MELK: variants seen among roughly 807,000 people sequenced by gnomAD.
MELK encodes maternal embryonic leucine zipper kinase.
A neutral mutation model predicts 85.0 loss-of-function variants in MELK; 81 were observed. The observed-to-expected ratio is 0.95, with a 90% confidence interval of 0.80 to 1.15. The LOEUF is 1.15. Among genes scored for constraint, MELK ranks in the 50% most tolerant of loss-of-function variants. The probability of loss-of-function intolerance (pLI) is 0.00; values close to 1 mark genes in which losing one functional copy is unlikely to be tolerated. For missense variants in MELK, 754 were observed against 777.5 expected, an observed-to-expected ratio of 0.97 and a Z score of 0.36; for synonymous variants, 252 against 265.0, an observed-to-expected ratio of 0.95 and a Z score of 0.48.
At chr9:36,674,241 C>A (rs1288354106) in intron 16 of MELK, among the ~76,000 whole-genome samples, 2 of 152,076 alleles carry the variant, frequency 1.3e-5, no homozygotes, top group East Asian at 3.9e-4. Flanking sequence ...GGATAAATAT[C>A]AATTAGGAAT....
At chr9:36,653,784 T>TA (rs368916467) in intron 12 of MELK, among the ~76,000 whole-genome samples, 4,080 of 147,390 alleles carry the variant, frequency 0.028, 79 homozygotes, top group Middle Eastern at 0.056. Context: ...CTCAAAACTG[T>TA]AAAAAAAAAA....
chr9:36,589,675 C>T (rs746260333), intron 4 of MELK, 23 bp downstream of exon 4: 1 of 1,493,430 alleles, frequency 6.7e-7, no homozygotes, highest in Non-Finnish European at 9.3e-7. Context: ...TTCCAGATAC[C>T]TGAAAACATT....
At chr9:36,675,086 G>A (rs377011612) in intron 17 of MELK, 149 bp downstream of exon 17, 1 of 516,806 alleles carries the variant, frequency 1.9e-6, no homozygotes, top group Non-Finnish European at 3.5e-6. Context: ...AAGAGTTCAA[G>A]TTCAGCCTGG....
intron 10 of MELK, among the ~76,000 whole-genome samples, chr9:36,641,818 G>T (rs1322566189): frequency 6.6e-6 from 1 of 152,128 alleles, no homozygotes; most frequent in African/African-American, 2.4e-5. Context: ...TGTTGGTCAG[G>T]CTGGTCTCCA....
chr9:36,599,226 A>G (rs1489502261), intron 6 of MELK, among the ~76,000 whole-genome samples, 168 bp from the exon 7 acceptor site: 1 of 147,864 alleles, frequency 6.8e-6, no homozygotes, highest in Non-Finnish European at 1.5e-5. Context: ...ACTTGAACCC[A>G]GGAGGCAGAG....
At chr9:36,599,781 C>A (rs2135585155) in intron 7 of MELK, among the ~76,000 whole-genome samples, 1 of 152,258 alleles carries the variant, frequency 6.6e-6, no homozygotes, top group East Asian at 1.9e-4. Flanking sequence ...CTGGATAGAA[C>A]AAAAGACGAA....
Position 36,671,114 on chromosome 9 carries a change from T to C in MELK, c.1622T>C (p.Leu541Pro), listed in dbSNP as rs745626982. Residue 541 changes from leucine to proline, a missense_variant, in exon 16 of 18, where the codon CTC (leucine) becomes CCC (proline). Physicochemically the swap from Leu to Pro is moderately conservative, Grantham distance 98. Coordinates refer to ENST00000298048, the MANE Select transcript of MELK (RefSeq NM_014791.4). ...GGGTTGGATAAGGTTATCACTGTGC[T>C]CACCAGGAGCAAAAGGAAGGGTTCT... ...ERGLDKVITV[L>P]TRSKRKGSAR... 6.2e-7 allele frequency: 1 copy of C among 1,611,292 alleles called. No homozygotes were observed. Among genetic ancestry groups the C allele is most frequent in the South Asian group, 1.1e-5 (1 of 90,372 alleles).
chr9:36,647,165 G>A (rs1258909642), intron 11 of MELK, among the ~76,000 whole-genome samples: 2 of 152,212 alleles, frequency 1.3e-5, no homozygotes, highest in Non-Finnish European at 2.9e-5. Context: ...TTAGAGGATG[G>A]TTGTAGAAAT....
intron 11 of MELK, among the ~76,000 whole-genome samples, chr9:36,647,211 T>C (rs1269863695): frequency 6.6e-6 from 1 of 152,200 alleles, no homozygotes; most frequent in Admixed American, 6.5e-5. Context: ...CTAAAACTCT[T>C]AGCACTATCC....
At chr9:36,623,357 C>T (rs193269225) in intron 8 of MELK, among the ~76,000 whole-genome samples, 17 of 152,296 alleles carry the variant, frequency 1.1e-4, no homozygotes, top group African/African-American at 3.4e-4. Context: ...AAGTGTTTTG[C>T]GCATTTTAAA....
At chr9:36,628,524 A>G (rs1242398421) in intron 8 of MELK, among the ~76,000 whole-genome samples, 1 of 151,980 alleles carries the variant, frequency 6.6e-6, no homozygotes, top group African/African-American at 2.4e-5. Flanking sequence ...GATTCAAGCA[A>G]TTCTCCTGCC....
intron 9 of MELK, among the ~76,000 whole-genome samples, chr9:36,630,960 CTTTT>C (rs1227155289): frequency 7.9e-6 from 1 of 127,118 alleles, no homozygotes; most frequent in Non-Finnish European, 1.7e-5. Flanking sequence ...GGCCCCAGCT[CTTTT>C]TTTTTTTTTT....
At chr9:36,574,252 A>T (rs775358537) in intron 1 of MELK, among the ~76,000 whole-genome samples, 4 of 151,976 alleles carry the variant, frequency 2.6e-5, no homozygotes, top group Non-Finnish European at 4.4e-5. Flanking sequence ...GCAAGGGAGC[A>T]GGGCAGGATG....
intron 1 of MELK, among the ~76,000 whole-genome samples, chr9:36,581,387 G>A (rs574874532): frequency 6.6e-6 from 1 of 151,640 alleles, no homozygotes; most frequent in South Asian, 2.1e-4. Flanking sequence ...CTTTATTTAA[G>A]TGATCCTCTC....
chr9:36,635,707 G>A (rs1333078751), intron 10 of MELK, among the ~76,000 whole-genome samples: 3 of 151,852 alleles, frequency 2.0e-5, no homozygotes, highest in Admixed American at 1.3e-4. Context: ...GGTCTAATAT[G>A]CGTATATGTA....
chr9:36,583,467 A>AT (rs903218291), intron 2 of MELK, among the ~76,000 whole-genome samples, 160 bp from the exon 3 acceptor site: 8 of 151,356 alleles, frequency 5.3e-5, no homozygotes, highest in Non-Finnish European at 8.8e-5. Context: ...AAAAAAAAAA[A>AT]CCTTCAGCTA....
At chr9:36,575,536 T>C (rs937377401) in intron 1 of MELK, among the ~76,000 whole-genome samples, 1 of 152,076 alleles carries the variant, frequency 6.6e-6, no homozygotes, top group Non-Finnish European at 1.5e-5. Flanking sequence ...TAGGCCCACA[T>C]TGGTATTACT....
chr9:36,608,489 A>G (rs1404871642), intron 8 of MELK, among the ~76,000 whole-genome samples: 3 of 151,904 alleles, frequency 2.0e-5, no homozygotes, highest in Non-Finnish European at 4.4e-5. Flanking sequence ...TCCGGCATCC[A>G]TGGGTGTCTT....
At chr9:36,595,315 T>C (rs1824093870) in intron 5 of MELK, among the ~76,000 whole-genome samples, 1 of 152,034 alleles carries the variant, frequency 6.6e-6, no homozygotes. Flanking sequence ...TTTTGTATTT[T>C]TTAGTAGAAA....
Sources: gnomAD v4.1 joint callset for allele counts (sites outside exome capture counted in the v4.1 genomes callset) on GRCh38, gnomAD v4.1.1 for gene constraint, MANE v1.5 for transcripts, NCBI Gene and HGNC (gene_info 2026-07-23, HGNC 2026-07-21) for gene names.